The following TNC variants were observed in gnomAD, a reference collection of about 807,000 sequenced individuals.
The protein encoded by TNC is tenascin C, also known as tenascin.
Under a neutral mutation model 202.4 loss-of-function variants are expected in TNC, and 109 were observed. The observed-to-expected ratio is 0.54, with a 90% CI of 0.46 to 0.63. The LOEUF (loss-of-function observed/expected upper bound fraction) is 0.63. TNC is among the 30% of genes least tolerant of loss of function. The probability of loss-of-function intolerance (pLI) is 0.00; values close to 1 mark genes in which losing one functional copy is unlikely to be tolerated. For missense variants in TNC, 2,756 were observed against 2,833.3 expected, an observed-to-expected ratio of 0.97 and a Z score of 0.62; for synonymous variants, 1,007 against 1,089.7, an observed-to-expected ratio of 0.92 and a Z score of 1.50.
Position 115,064,191 on chromosome 9 carries a change from A to T in TNC, c.3488-123T>A, listed in dbSNP as rs1329588840. 4.2e-6 allele frequency: 4 copies of T among 963,038 alleles called. No homozygotes were observed. The African/African-American group carries it at 6.6e-5, about 16-fold the overall frequency. The allele number at this position is 963,038 out of a possible 1,614,324, so 59.7% of individuals were successfully genotyped here. ...AAAATGTGACTTTCTTTAGATAAAC[A>T]TGCATCATGCAACTCTTTAAATTTT... On this transcript the variant is annotated intron_variant, in intron 11 of 27. Coordinates refer to ENST00000350763, the MANE Select transcript of TNC (RefSeq NM_002160.4).
rs1403610181 is a variant in TNC, at chr9:115,105,401, C to G, written c.-137+12581G>C. 2.0e-5 allele frequency among the ~76,000 whole-genome samples: 3 copies of G among 152,142 alleles called. No individual in the cohort carries two copies. In the South Asian group the frequency reaches 6.2e-4, roughly 32 times the overall value. On this transcript the variant is annotated intron_variant, in intron 1 of 27. Coordinates refer to ENST00000350763, the MANE Select transcript of TNC (RefSeq NM_002160.4). The stretch of plus-strand genomic sequence containing the variant: ...TGTGGATTATCTCATTGAATCCTCC[C>G]CAAGACTTCTGAGGTAGTTGTCTTT...
chr9:115,082,938 T>C, intron 4 of TNC, 131 bp from the exon 5 acceptor site: 1 of 625,864 alleles, frequency 1.6e-6, no homozygotes, highest in Non-Finnish European at 2.8e-6. Flanking sequence ...AGGTGTCCTT[T>C]TAAAGCTTCT....
chr9:115,077,894 C>T, intron 7 of TNC, 49 bp downstream of exon 7: 2 of 1,561,678 alleles, frequency 1.3e-6, no homozygotes, highest in South Asian at 2.4e-5. Context: ...GGATGGAAAT[C>T]TTTCAATCTT....
chr9:115,046,442 C>A lies in TNC; in HGVS notation c.5093G>T (p.Arg1698Leu). 6.2e-7 allele frequency: 1 copy of A among 1,614,114 alleles called. No individual in the cohort carries two copies. The highest frequency in any genetic ancestry group is 2.2e-5 in the East Asian group (1 of 44,888). Residue 1698 changes from arginine to leucine, a missense_variant, in exon 17 of 28, where the codon CGA becomes CTA. By Grantham distance (102) the Arg-to-Leu change is moderately radical (BLOSUM62 -2). Around this residue, in one of 2 missense-constraint regions of TNC, gnomAD observed 2,559 missense variants for 2,546.0 expected, o/e 1.01. Transcript: ENST00000350763. ...TGCTATAGCACTGACTGTCTGGGATCGCCTTCCTTTGCTTATTCCATAGAG... is the reference window on the plus strand; with the variant it reads ...TGCTATAGCACTGACTGTCTGGGATAGCCTTCCTTTGCTTATTCCATAGAG... ...IELYGISKGR[R>L]SQTVSAIATT...
chr9:115,081,363 AT>A (rs1425682827), intron 6 of TNC, among the ~76,000 whole-genome samples: 2 of 152,168 alleles, frequency 1.3e-5, no homozygotes, highest in African/African-American at 4.8e-5. Flanking sequence ...CTGTTTCTCT[AT>A]TCCTTAAATA....
intron 4 of TNC, among the ~76,000 whole-genome samples, 154 bp downstream of exon 4, chr9:115,084,055 T>C (rs1027387065): frequency 2.0e-5 from 3 of 152,218 alleles, no homozygotes; most frequent in Non-Finnish European, 2.9e-5. Flanking sequence ...GAGGGATTTC[T>C]TTAATAAGTG....
chr9:115,029,527 G>T, intron 24 of TNC, 71 bp from the exon 25 acceptor site: 1 of 1,436,556 alleles, frequency 7.0e-7, no homozygotes, highest in Non-Finnish European at 9.8e-7. Context: ...GTGAGAGGAA[G>T]GAGTGTGGCA....
At chr9:115,084,175 G>T in intron 4 of TNC, 34 bp downstream of exon 4, 1 of 1,603,088 alleles carries the variant, frequency 6.2e-7, no homozygotes, top group Non-Finnish European at 8.5e-7. Context: ...GCTGACATCA[G>T]GTGAGGCTGC....
At chr9:115,107,845 T>G (rs1836733235) in intron 1 of TNC, among the ~76,000 whole-genome samples, 3 of 152,232 alleles carry the variant, frequency 2.0e-5, no homozygotes, top group Non-Finnish European at 4.4e-5. Flanking sequence ...CTTCAGCAGC[T>G]CTTTGGTGGC....
chr9:115,063,730 G>A (rs1200076260), intron 12 of TNC, 66 bp downstream of exon 12: 6 of 1,521,188 alleles, frequency 3.9e-6, no homozygotes, highest in Non-Finnish European at 3.6e-6. Context: ...AAGCAAGAAA[G>A]TGCTTTGATT....
chr9:115,056,183 G>C (rs1832102499), intron 15 of TNC, among the ~76,000 whole-genome samples: 2 of 150,432 alleles, frequency 1.3e-5, no homozygotes, highest in Admixed American at 1.3e-4. Context: ...AAATTATCCT[G>C]TGTTTGTTCT....
Position 115,036,254 on chromosome 9 carries a change from T to C in TNC, c.5513-13A>G, listed in dbSNP as rs1378614148. The C allele has an allele frequency of 4.3e-6, 7 of 1,613,792 alleles. No homozygotes were observed. The highest frequency in any genetic ancestry group is 4.5e-5 in the East Asian group (2 of 44,896). On this transcript the variant is annotated splice_polypyrimidine_tract_variant and intron_variant, in intron 20 of 27. Transcript: ENST00000350763. ...GTAATTTCTGGCACTAAACATGAAA[T>C]ACACATACCAAGGCAGTCACCTCTC... is the stretch of plus-strand genomic sequence containing the variant.
At chr9:115,107,028 T>G (rs555143748) in intron 1 of TNC, among the ~76,000 whole-genome samples, 1 of 152,296 alleles carries the variant, frequency 6.6e-6, no homozygotes, top group Non-Finnish European at 1.5e-5. Context: ...TGAACTTCTT[T>G]TAGGTATAGA....
At chr9:115,060,561 A>G (rs1017546712) in intron 13 of TNC, among the ~76,000 whole-genome samples, 4 of 152,238 alleles carry the variant, frequency 2.6e-5, no homozygotes, top group East Asian at 1.9e-4. Flanking sequence ...CGAGTGCCCA[A>G]TAAGTGTCAG....
At position 115,023,345 on chromosome 9, in the gene TNC, G is replaced by A. The variant is rs538985773; in HGVS notation, c.6495+628C>T. Among the ~76,000 whole-genome samples, 4 of 152,314 alleles carry A rather than the reference G, an allele frequency of 2.6e-5. No homozygotes were observed. In the East Asian group the frequency reaches 7.7e-4, roughly 29 times the overall value. On this transcript the variant is annotated intron_variant, in intron 27 of 27. Transcript: ENST00000350763. ...TCAGGAATGTGCCAGTGTAGGCAAGGCTCAGAGTAAGGGAGATTACTGAAT... is the reference window on the plus strand; with the variant it reads ...TCAGGAATGTGCCAGTGTAGGCAAGACTCAGAGTAAGGGAGATTACTGAAT...
intron 16 of TNC, among the ~76,000 whole-genome samples, chr9:115,046,979 ATAT>A (rs1376440759): frequency 1.3e-5 from 2 of 152,220 alleles, no homozygotes; most frequent in African/African-American, 2.4e-5. Context: ...CCCGTCCCAC[ATAT>A]TATTAAATAA....
At position 115,062,990 on chromosome 9, in the gene TNC, A is replaced by G. The variant is rs778997997; in HGVS notation, c.3960T>C (p.Thr1320=). ...CGCCGTGCAGGGTGACTGTGTAAGG[A>G]GTGCCAGCCCTGAGGCCTGGGATTT... ...SMEIPGLRAG[T]PYTVTLHGEV... Residue 1320 remains threonine (T), a synonymous_variant, in exon 13 of 28, where the codon ACT becomes ACC. Transcript: ENST00000350763. The G allele has an allele frequency of 6.2e-7, 1 of 1,614,032 alleles. No homozygotes were observed. Among genetic ancestry groups the G allele is most frequent in the Non-Finnish European group, 8.5e-7 (1 of 1,179,994 alleles).
At chr9:115,032,634 C>T (rs983620044) in intron 22 of TNC, among the ~76,000 whole-genome samples, 1 of 152,174 alleles carries the variant, frequency 6.6e-6, no homozygotes, top group Admixed American at 6.5e-5. Context: ...TAAGAAACTT[C>T]CCAAGTGATT....
chr9:115,086,932 A>G lies in TNC; in HGVS notation c.799T>C (p.Leu267=), dbSNP rs758545356. ...SEEHGTCVDG[L]CVCHDGFAGD... ...GCAAAGCCATCGTGGCACACACACA[A>G]GCCATCTACACATGTGCCGTGCTCC... Residue 267 remains leucine, a synonymous_variant, in exon 3 of 28, where the codon TTG becomes CTG. Coordinates refer to ENST00000350763, the MANE Select transcript of TNC (RefSeq NM_002160.4). 2.5e-6 allele frequency: 4 copies of G among 1,613,802 alleles called. No homozygotes were observed. The highest frequency in any genetic ancestry group is 2.2e-5 in the East Asian group (1 of 44,858).
Sources: allele counts gnomAD v4.1 joint callset (sites outside exome capture counted in the v4.1 genomes callset), GRCh38; gene constraint gnomAD v4.1.1; regional missense constraint gnomAD v4.1.1; transcripts MANE v1.5; gene names NCBI Gene and HGNC (gene_info 2026-07-23, HGNC 2026-07-21).